The following MGAT4C variants were observed in gnomAD, a reference collection of about 807,000 sequenced individuals.
The protein encoded by MGAT4C is alpha-1,3-mannosyl-glycoprotein 4-beta-N-acetylglucosaminyltransferase C.
A neutral mutation model predicts 40.1 loss-of-function variants in MGAT4C; 19 were observed. The observed-to-expected ratio is 0.47, with a 90% CI of 0.33 to 0.70. The LOEUF is 0.70. MGAT4C is among the 30% of genes least tolerant of loss of function. The pLI is 0.02. For synonymous variants in MGAT4C, 181 were observed against 187.1 expected (o/e 0.97, Z 0.27); for missense variants, 491 against 563.2 (o/e 0.87, Z 1.30).
At chr12:86,108,336 C>A (rs1371423945) in intron 1 of MGAT4C, among the ~76,000 whole-genome samples, 1 of 152,132 alleles carries the variant, frequency 6.6e-6, no homozygotes, top group East Asian at 1.9e-4. Context: ...GGGTGTGAGG[C>A]CATGCCAGGC....
chr12:86,566,883 T>C (rs977833917), intron 2 of MGAT4C, among the ~76,000 whole-genome samples: 15 of 151,472 alleles, frequency 9.9e-5, no homozygotes, highest in African/African-American at 3.6e-4. Context: ...TGCTTTATCC[T>C]CCATCATGGT....
chr12:86,595,428 G>T (rs569799517), intron 2 of MGAT4C, among the ~76,000 whole-genome samples: 4 of 152,146 alleles, frequency 2.6e-5, no homozygotes, highest in African/African-American at 7.2e-5. Context: ...CTACTCGGGA[G>T]GCTGAGGCAG....
chr12:86,351,863 A>T (rs887234764), intron 3 of MGAT4C, among the ~76,000 whole-genome samples: 3 of 152,098 alleles, frequency 2.0e-5, no homozygotes, highest in Non-Finnish European at 4.4e-5. Flanking sequence ...TAAAACTGAA[A>T]CTATTCATTA....
intron 3 of MGAT4C, among the ~76,000 whole-genome samples, chr12:86,405,562 G>A (rs1312425282): frequency 2.0e-5 from 3 of 151,852 alleles, no homozygotes; most frequent in Admixed American, 6.6e-5. Flanking sequence ...CTCTCAACTT[G>A]AAATACAGTT....
At chr12:86,794,220 T>C (rs1952074314) in intron 1 of MGAT4C, among the ~76,000 whole-genome samples, 12 of 151,748 alleles carry the variant, frequency 7.9e-5, no homozygotes, top group Admixed American at 7.9e-4. Context: ...AATGCTTATA[T>C]TGTGGGTGAC....
chr12:86,242,665 A>T (rs1951839365), intron 1 of MGAT4C, among the ~76,000 whole-genome samples: 1 of 152,150 alleles, frequency 6.6e-6, no homozygotes, highest in Non-Finnish European at 1.5e-5. Flanking sequence ...CTTTAAAGGC[A>T]AATAGAAAGA....
At chr12:85,999,958 T>G (rs1347137964) in intron 2 of MGAT4C, among the ~76,000 whole-genome samples, 1 of 152,160 alleles carries the variant, frequency 6.6e-6, no homozygotes, top group East Asian at 1.9e-4. Flanking sequence ...TTAGGGTGAC[T>G]ACAGCTAATA....
At chr12:86,282,988 A>G (rs893297998) in intron 4 of MGAT4C, among the ~76,000 whole-genome samples, 5 of 152,046 alleles carry the variant, frequency 3.3e-5, no homozygotes, top group Non-Finnish European at 2.9e-5. Context: ...AAAACTTTCA[A>G]TATATCATCT....
chr12:86,197,506 T>C (rs958228925), intron 1 of MGAT4C, among the ~76,000 whole-genome samples: 7 of 152,198 alleles, frequency 4.6e-5, no homozygotes, highest in South Asian at 4.1e-4. Context: ...CATAGTTCTC[T>C]TGCCCTCTTT....
chr12:86,125,546 A>C (rs1566018843), intron 1 of MGAT4C, among the ~76,000 whole-genome samples: 1 of 152,208 alleles, frequency 6.6e-6, no homozygotes, highest in East Asian at 1.9e-4. Flanking sequence ...ATGAAAATAA[A>C]CAACAAATAA....
chr12:86,070,089 AT>A (rs369712667), intron 1 of MGAT4C, among the ~76,000 whole-genome samples: 507 of 142,164 alleles, frequency 3.6e-3, no homozygotes, highest in Middle Eastern at 0.015. Flanking sequence ...TTTGCATTGG[AT>A]TTTTTTTTTT....
At chr12:86,180,419 C>T (rs1887983250) in intron 1 of MGAT4C, among the ~76,000 whole-genome samples, 1 of 152,168 alleles carries the variant, frequency 6.6e-6, no homozygotes, top group Non-Finnish European at 1.5e-5. Flanking sequence ...ATGCCACTAT[C>T]CTTCAGACCC....
intron 1 of MGAT4C, among the ~76,000 whole-genome samples, chr12:86,762,054 CT>C (rs762352642): frequency 0.01 from 1,447 of 143,454 alleles, 11 homozygotes; most frequent in East Asian, 0.049. Flanking sequence ...ATAGGCTGCA[CT>C]TTTTTTTTTT....
At chr12:86,024,679 C>T (rs890369318) in intron 2 of MGAT4C, among the ~76,000 whole-genome samples, 2 of 151,590 alleles carry the variant, frequency 1.3e-5, no homozygotes, top group African/African-American at 4.8e-5. Flanking sequence ...ATGTCATTGG[C>T]GATAATTCAG....
intron 1 of MGAT4C, among the ~76,000 whole-genome samples, chr12:86,833,450 G>T (rs1182590344): frequency 2.6e-5 from 4 of 151,870 alleles, no homozygotes. Context: ...AAGGTTGCAA[G>T]TCTGAAATGA....
chr12:86,343,847 C>CT (rs199807590), intron 3 of MGAT4C, among the ~76,000 whole-genome samples: 1,550 of 151,278 alleles, frequency 0.01, 32 homozygotes, highest in African/African-American at 0.036. Flanking sequence ...AGCAGGAAAG[C>CT]TTTTTTTTTC....
intron 1 of MGAT4C, among the ~76,000 whole-genome samples, chr12:86,181,777 AAGCAAT>A (rs140389512): frequency 2.4e-4 from 37 of 152,194 alleles, no homozygotes; most frequent in African/African-American, 8.7e-4. Flanking sequence ...CAGCAAATAA[AAGCAAT>A]AGGTCTCTTT....
Position 86,037,444 on chromosome 12 carries a change from T to G in MGAT4C, c.-7+12230A>C, listed in dbSNP as rs570067143. 1.7e-4 allele frequency among the ~76,000 whole-genome samples: 25 copies of G among 150,368 alleles called. 1 individual carries two copies. The highest frequency in any genetic ancestry group is 4.6e-4 in the African/African-American group (19 of 41,426). On this transcript the variant is annotated intron_variant, in intron 2 of 4. Transcript: ENST00000611864. ...GGGCATTTACTGCTATAAATTTCCC[T>G]CTACACACTGCTTTAAATGTGTCCC... is the stretch of plus-strand genomic sequence containing the variant.
chr12:86,057,686 A>G (rs1182110330), intron 1 of MGAT4C, among the ~76,000 whole-genome samples: 1 of 152,188 alleles, frequency 6.6e-6, no homozygotes, highest in African/African-American at 2.4e-5. Context: ...TGTGAATGTC[A>G]GTATCTACCC....
Sources: allele counts gnomAD v4.1 joint callset (sites outside exome capture counted in the v4.1 genomes callset), GRCh38; gene constraint gnomAD v4.1.1; transcripts MANE v1.5; gene names NCBI Gene and HGNC (gene_info 2026-07-23, HGNC 2026-07-21).